ZSCAN5A: variants seen among roughly 807,000 people sequenced by gnomAD.
ZSCAN5A encodes zinc finger and SCAN domain containing 5A.
Under a neutral mutation model 23.7 loss-of-function variants are expected in ZSCAN5A, and 12 were observed. That is an observed-to-expected ratio of 0.51 (90% CI 0.32 to 0.82). The LOEUF is 0.82. Among genes scored for constraint, ZSCAN5A ranks in the 40% least tolerant of loss-of-function variants. The probability of loss-of-function intolerance (pLI) is 0.03; values close to 1 mark genes in which losing one functional copy is unlikely to be tolerated. For missense variants in ZSCAN5A, 597 were observed against 617.9 expected (o/e 0.97, Z 0.36); for synonymous variants, 257 against 239.9 (o/e 1.07, Z -0.66).
rs929463115 is a variant in ZSCAN5A, at chr19:56,351,303, G to GT, written c.-358+11931dup. On this transcript the variant is annotated intron_variant, in intron 2 of 6. Coordinates refer to the ZSCAN5A transcript ENST00000587340. This position sits in a 1 kb window ranked among gnomAD's most constrained non-coding sequence, Gnocchi z 4.8. ...TCCACTCAACATGGTGATTCCCACC[G>GT]TCTTCTCCTTGTTACCACCTGTGCA... Among the ~76,000 whole-genome samples, 1 of 152,162 alleles carries GT rather than the reference G, an allele frequency of 6.6e-6. No homozygotes were observed. The highest frequency in any genetic ancestry group is 1.9e-4 in the East Asian group (1 of 5,150).
intron 2 of ZSCAN5A, among the ~76,000 whole-genome samples, chr19:56,259,702 G>A (rs542302122): frequency 6.6e-6 from 1 of 152,366 alleles, no homozygotes; most frequent in African/African-American, 2.4e-5. Context: ...GACCGGGCAC[G>A]GTGGCCCACG....
At chr19:56,243,924 C>T (rs897267267) in intron 2 of ZSCAN5A, 37 of 549,904 alleles carry the variant, frequency 6.7e-5, no homozygotes, top group Non-Finnish European at 1.0e-4. Flanking sequence ...TTGCAGACTT[C>T]TGAACAGTGA....
intron 2 of ZSCAN5A, among the ~76,000 whole-genome samples, chr19:56,346,851 C>T (rs2041637228): frequency 6.6e-6 from 1 of 152,104 alleles, no homozygotes; most frequent in African/African-American, 2.4e-5. Flanking sequence ...CCTCGGCCTC[C>T]CGAGTAGCTG....
chr19:56,312,420 A>G (rs1453992364), intron 2 of ZSCAN5A: 1 of 152,260 alleles, frequency 6.6e-6, no homozygotes, highest in Non-Finnish European at 1.5e-5. Context: ...GACATTTTAC[A>G]GAACACCTAG....
At chr19:56,252,269 G>C (rs1437307344) in intron 2 of ZSCAN5A, among the ~76,000 whole-genome samples, 1 of 152,176 alleles carries the variant, frequency 6.6e-6, no homozygotes, top group Non-Finnish European at 1.5e-5. Context: ...GATGGATTCA[G>C]GTGCACCTAC....
At chr19:56,357,039 C>A (rs2041704296) in intron 2 of ZSCAN5A, among the ~76,000 whole-genome samples, 1 of 148,518 alleles carries the variant, frequency 6.7e-6, no homozygotes, top group South Asian at 2.2e-4. Context: ...ATTTTTTATT[C>A]TTCAGCAATT....
At position 56,309,100 on chromosome 19, in the gene ZSCAN5A, G is replaced by T. The variant is rs55894219; in HGVS notation, c.-128+4183C>A. Among the ~76,000 whole-genome samples the T allele has an allele frequency of 6.3e-3, 963 of 152,274 alleles. 4 individuals carry two copies. The highest frequency in any genetic ancestry group is 1.0e-2 in the Non-Finnish European group (678 of 68,030). ...ACAAAACGTAGTGCATTCATACAAT[G>T]GATTATTATTCAGCCCCCAAAAGAG... On this transcript the variant is annotated intron_variant, in intron 2 of 5. Transcript: ENST00000683990.
intron 2 of ZSCAN5A, among the ~76,000 whole-genome samples, chr19:56,270,818 T>C (rs1010787562): frequency 2.0e-5 from 3 of 152,050 alleles, no homozygotes; most frequent in African/African-American, 4.8e-5. Flanking sequence ...ACCAGAGATG[T>C]TGCTAAATAT....
intron 2 of ZSCAN5A, among the ~76,000 whole-genome samples, chr19:56,329,256 C>A (rs1157223074): frequency 6.6e-6 from 1 of 151,078 alleles, no homozygotes; most frequent in Admixed American, 6.6e-5. Flanking sequence ...GGCTGAGGCA[C>A]GAGAATCAGT....
chr19:56,307,158 G>A (rs1489847468), intron 2 of ZSCAN5A, among the ~76,000 whole-genome samples: 1 of 144,338 alleles, frequency 6.9e-6, no homozygotes, highest in African/African-American at 2.6e-5. Context: ...AAAGTACTAA[G>A]GACAGATGGG....
At chr19:56,238,012 C>A (rs1202157257) in intron 2 of ZSCAN5A, among the ~76,000 whole-genome samples, 1 of 24,902 alleles carries the variant, frequency 4.0e-5, no homozygotes, top group African/African-American at 1.6e-4. Flanking sequence ...CATACACACA[C>A]ACGTCAAAGA....
chr19:56,341,501 A>G (rs973780548), intron 2 of ZSCAN5A, among the ~76,000 whole-genome samples: 3 of 152,114 alleles, frequency 2.0e-5, no homozygotes, highest in Admixed American at 6.5e-5. Context: ...TATTCAATAT[A>G]AGCTCTCAGT....
At chr19:56,281,267 G>A (rs955794815) in intron 2 of ZSCAN5A, among the ~76,000 whole-genome samples, 1 of 152,134 alleles carries the variant, frequency 6.6e-6, no homozygotes, top group Admixed American at 6.6e-5. Flanking sequence ...TTCTGTCTCA[G>A]GGGTGGCAGA....
intron 2 of ZSCAN5A, among the ~76,000 whole-genome samples, chr19:56,226,921 T>C (rs2034003833): frequency 6.6e-6 from 1 of 151,766 alleles, no homozygotes; most frequent in Non-Finnish European, 1.5e-5. Flanking sequence ...AAACACAAGT[T>C]CAAATTACAA....
intron 2 of ZSCAN5A, among the ~76,000 whole-genome samples, chr19:56,249,683 C>T (rs533148053): frequency 2.0e-5 from 3 of 152,300 alleles, no homozygotes; most frequent in Admixed American, 6.5e-5. Flanking sequence ...TTGCCACAAG[C>T]GATGAGCTGA....
intron 2 of ZSCAN5A, among the ~76,000 whole-genome samples, chr19:56,331,389 G>C (rs915690524): frequency 6.6e-6 from 1 of 152,044 alleles, no homozygotes; most frequent in Non-Finnish European, 1.5e-5. Context: ...GCTTTGAGCA[G>C]TATGGCCATT....
At chr19:56,305,004 C>T (rs1006127141) in intron 2 of ZSCAN5A, among the ~76,000 whole-genome samples, 1 of 152,172 alleles carries the variant, frequency 6.6e-6, no homozygotes, top group Non-Finnish European at 1.5e-5. Context: ...TTGCAAGCCA[C>T]TGCCTGACAG....
chr19:56,277,081 T>G (rs1600160633), intron 2 of ZSCAN5A, among the ~76,000 whole-genome samples: 1 of 152,172 alleles, frequency 6.6e-6, no homozygotes, highest in African/African-American at 2.4e-5. Flanking sequence ...AGAACCCTCA[T>G]ATGCTGCTGG....
chr19:56,341,702 C>CAAAA lies in ZSCAN5A; in HGVS notation c.-358+21529_-358+21532dup, dbSNP rs1175628460. ...ATCTTCTAGGCAGGTTACCAAAAGG[C>CAAAA]AAAAAAAAAAAAAAAAAAAAAAAAA... On this transcript the variant is annotated intron_variant, in intron 2 of 6. Transcript: ENST00000587340. Among the ~76,000 whole-genome samples the CAAAA allele has an allele frequency of 4.6e-3, 249 of 53,806 alleles. 11 individuals carry two copies. The highest frequency in any genetic ancestry group is 0.013 in the East Asian group (18 of 1,432). 35.3% of individuals were successfully genotyped at this position (53,806 alleles called of 152,430 possible). A position where few individuals can be genotyped will look rare whatever the true frequency, so the allele number is the denominator to read the frequency against.
Sources: gnomAD v4.1 joint callset for allele counts (sites outside exome capture counted in the v4.1 genomes callset) on GRCh38, gnomAD v4.1.1 for gene constraint, Gnocchi (gnomAD v3.1) non-coding constraint, MANE v1.5 for transcripts, NCBI Gene and HGNC (gene_info 2026-07-23, HGNC 2026-07-21) for gene names.